Variants in SEMA5B observed in about 807,000 individuals in gnomAD.
The protein encoded by SEMA5B is semaphorin-5B.
SEMA5B carries 66 observed loss-of-function variants against 135.0 expected under a neutral mutation model. That is an observed-to-expected ratio of 0.49 (90% CI 0.40 to 0.60). SEMA5B has a LOEUF of 0.60. Among genes scored for constraint, SEMA5B ranks in the 20% least tolerant of loss-of-function variants. SEMA5B has a pLI of 0.00. For synonymous variants in SEMA5B, 690 were observed against 639.5 expected (o/e 1.08, Z -1.19); for missense variants, 1,501 against 1,566.3 (o/e 0.96, Z 0.70).
In SEMA5B at chr3:122,912,042, C is replaced by T. The variant is rs1223633977; in HGVS notation, c.2924G>A (p.Ser975Asn). ...PEGWSPWSEW[S>N]KCTDDGAQSR... ...CTGGGCTCCGTCGTCAGTGCACTTACTCCACTCAGACCAGGGCGACCAGCC... is the reference window on the plus strand; with the variant it reads ...CTGGGCTCCGTCGTCAGTGCACTTATTCCACTCAGACCAGGGCGACCAGCC... The change falls in exon 20 of 23, where the codon AGT becomes AAT. Residue 975 changes from serine to asparagine, a missense_variant. Ser to Asn is a conservative substitution (Grantham distance 46, BLOSUM62 1). Transcript: ENST00000357599. The T allele has an allele frequency of 4.3e-6, 7 of 1,613,670 alleles. No individual in the cohort carries two copies. Among genetic ancestry groups the T allele is most frequent in the Non-Finnish European group, 5.9e-6 (7 of 1,179,690 alleles).
At chr3:122,928,800 C>G (rs758148113) in intron 6 of SEMA5B, among the ~76,000 whole-genome samples, 185 bp from the exon 7 acceptor site, 1 of 152,224 alleles carries the variant, frequency 6.6e-6, no homozygotes, top group African/African-American at 2.4e-5. Context: ...GTCATTTCTC[C>G]GCATCACTGC....
chr3:122,939,391 A>G, intron 5 of SEMA5B, 34 bp downstream of exon 5: 1 of 1,567,958 alleles, frequency 6.4e-7, no homozygotes, highest in African/African-American at 1.3e-5. Context: ...AATAGGGGAA[A>G]TTATAGGAAG....
chr3:122,912,270 C>A lies in SEMA5B; in HGVS notation c.2798G>T (p.Arg933Leu). The A allele has an allele frequency of 6.2e-7, 1 of 1,611,886 alleles. No homozygotes were observed. The highest frequency in any genetic ancestry group is 8.5e-7 in the Non-Finnish European group (1 of 1,178,996). ...SASCGGGHYQ[R>L]TRSCTSPAPS... ...TGCGGGGCTGGTGCAGGAACGGGTGCGTTGATAGTGACCCCCACCACAGGA... is the reference window on the plus strand; with the variant it reads ...TGCGGGGCTGGTGCAGGAACGGGTGAGTTGATAGTGACCCCCACCACAGGA... The change falls in exon 19 of 23, where the codon CGC (arginine) becomes CTC (leucine). Residue 933 changes from arginine (R) to leucine (L), a missense_variant. This residue lies in a region of SEMA5B where 927 missense variants were observed against 881.6 expected (regional missense o/e 1.05). Coordinates refer to ENST00000357599, the MANE Select transcript of SEMA5B (RefSeq NM_001031702.4).
At chr3:122,943,804 C>T (rs895957978) in intron 3 of SEMA5B, among the ~76,000 whole-genome samples, 5 of 152,168 alleles carry the variant, frequency 3.3e-5, no homozygotes, top group Admixed American at 6.5e-5. Context: ...CCCTTGACTT[C>T]CCCCAGACCT....
intron 1 of SEMA5B, among the ~76,000 whole-genome samples, chr3:123,004,773 G>A (rs1471467395): frequency 2.6e-5 from 4 of 152,198 alleles, no homozygotes; most frequent in African/African-American, 9.6e-5. Flanking sequence ...TGAACAAATA[G>A]TTGGTATTTG....
Position 122,911,521 on chromosome 3 carries a change from A to C in SEMA5B, c.3061T>G (p.Ser1021Ala). ...CAGTCGGTGGCCTCCTCCATGCTGG[A>C]GGCTGGCAGGATGACTGCAGGAAGA... is the stretch of plus-strand genomic sequence containing the variant. ...YSEIPVILPA[S>A]SMEEATDCAG... is the part of the protein sequence containing the mutation. Residue 1021 changes from serine (S) to alanine (A), a missense_variant, in exon 21 of 23, where the codon TCC (serine) becomes GCC (alanine). Physicochemically the swap from Ser to Ala is moderately conservative, Grantham distance 99. Transcript: ENST00000357599. 6.2e-7 allele frequency: 1 copy of C among 1,610,310 alleles called. No individual in the cohort carries two copies.
intron 2 of SEMA5B, among the ~76,000 whole-genome samples, chr3:122,950,392 T>C (rs1252911898): frequency 3.9e-5 from 6 of 152,208 alleles, no homozygotes. Flanking sequence ...AAACCACCCA[T>C]GTATTTACCC....
chr3:122,996,503 A>G (rs1431692546), intron 1 of SEMA5B, among the ~76,000 whole-genome samples: 2 of 152,162 alleles, frequency 1.3e-5, no homozygotes, highest in East Asian at 1.9e-4. Context: ...GGCCTCACAC[A>G]TGCCAAGATC....
intron 2 of SEMA5B, among the ~76,000 whole-genome samples, chr3:122,954,118 A>G (rs6786993): frequency 0.45 from 68,571 of 152,162 alleles, 15,975 homozygotes; most frequent in African/African-American, 0.57. Flanking sequence ...GGAATGCAGC[A>G]GCATGATCAT....
At position 122,926,517 on chromosome 3, in the gene SEMA5B, G is replaced by T; in HGVS notation, c.1011C>A (p.Thr337=). ...GGRFLLEDTW[T]TFMKARLNCS... ...AGTTGAGCCGGGCCTTCATGAATGT[G>T]GTCCATGTGTCCTCCAGCAGGAATC... Residue 337 remains threonine (T), a synonymous_variant, in exon 9 of 23, where the codon ACC becomes ACA. Coordinates refer to ENST00000357599, the MANE Select transcript of SEMA5B (RefSeq NM_001031702.4). The T allele has an allele frequency of 1.9e-6, 3 of 1,614,236 alleles. No individual in the cohort carries two copies. The highest frequency in any genetic ancestry group is 2.5e-6 in the Non-Finnish European group (3 of 1,180,042).
chr3:122,909,939 G>T lies in SEMA5B; in HGVS notation c.*204C>A. The T allele has an allele frequency of 1.7e-6, 1 of 585,884 alleles. No homozygotes were observed. The highest frequency in any genetic ancestry group is 2.2e-5 in the South Asian group (1 of 45,524). The allele number at this position is 585,884 out of a possible 1,614,324, so 36.3% of individuals were successfully genotyped here. On this transcript the variant is annotated 3_prime_UTR_variant, in exon 23 of 23. Coordinates refer to ENST00000357599, the MANE Select transcript of SEMA5B (RefSeq NM_001031702.4). ...AGACCTGGGCTGAACTGGACCTGCG[G>T]CCATATGTCAGCCTGAAACCAGCCC...
chr3:122,937,132 G>A (rs1939333654), intron 5 of SEMA5B, among the ~76,000 whole-genome samples: 1 of 152,118 alleles, frequency 6.6e-6, no homozygotes, highest in Non-Finnish European at 1.5e-5. Context: ...CACAGGGAGA[G>A]TAGAGGAAGC....
At chr3:122,957,144 G>A (rs1049203855) in intron 2 of SEMA5B, among the ~76,000 whole-genome samples, 9 of 152,226 alleles carry the variant, frequency 5.9e-5, no homozygotes, top group African/African-American at 2.2e-4. Flanking sequence ...TTTTCCCTCT[G>A]CTGAAGAGGA....
At chr3:122,973,199 C>A (rs182848634) in intron 1 of SEMA5B, among the ~76,000 whole-genome samples, 1 of 152,310 alleles carries the variant, frequency 6.6e-6, no homozygotes, top group Admixed American at 6.5e-5. Flanking sequence ...CCAGTCTGAG[C>A]CCCTGACTCC....
At chr3:122,910,478 T>C (rs1300494024) in intron 22 of SEMA5B, among the ~76,000 whole-genome samples, 177 bp from the exon 23 acceptor site, 2 of 152,068 alleles carry the variant, frequency 1.3e-5, no homozygotes, top group African/African-American at 4.8e-5. Context: ...ACCCCTGCAC[T>C]CTTCACCCTG....
At chr3:122,990,284 G>A (rs1390547580) in intron 1 of SEMA5B, among the ~76,000 whole-genome samples, 9 of 152,108 alleles carry the variant, frequency 5.9e-5, no homozygotes, top group Admixed American at 5.9e-4. Flanking sequence ...CAGAGTCAAT[G>A]GGAGACATGG....
chr3:122,927,827 C>A lies in SEMA5B; in HGVS notation c.813G>T (p.Pro271=). 1.3e-6 allele frequency: 2 copies of A among 1,554,842 alleles called. No individual in the cohort carries two copies. Among genetic ancestry groups the A allele is most frequent in the Non-Finnish European group, 1.7e-6 (2 of 1,148,880 alleles). ...TGGAGTTATATTGGGCAGTGCGAAG[C>A]GGTGGCCCACTGCCCAGGCTGCGGT... ...AIYRSLGSGP[P]LRTAQYNSKW... The change falls in exon 8 of 23, where the codon CCG becomes CCT. Residue 271 remains proline, a synonymous_variant. Coordinates refer to ENST00000357599, the MANE Select transcript of SEMA5B (RefSeq NM_001031702.4).
chr3:122,945,223 A>G (rs550340760), intron 3 of SEMA5B, among the ~76,000 whole-genome samples: 92 of 152,162 alleles, frequency 6.0e-4, no homozygotes, highest in Non-Finnish European at 4.6e-4. Context: ...CTGCAGCAAA[A>G]TGAAGCAAAC....
intron 5 of SEMA5B, among the ~76,000 whole-genome samples, chr3:122,930,099 T>A (rs1938891675): frequency 6.6e-6 from 1 of 152,212 alleles, no homozygotes; most frequent in Non-Finnish European, 1.5e-5. Flanking sequence ...AGAGCCCACC[T>A]GCTTTTAATT....
Sources: gnomAD v4.1 joint callset for allele counts (sites outside exome capture counted in the v4.1 genomes callset) on GRCh38, gnomAD v4.1.1 for gene constraint, gnomAD v4.1.1 regional missense constraint, MANE v1.5 for transcripts, NCBI Gene and HGNC (gene_info 2026-07-23, HGNC 2026-07-21) for gene names.